FNBP4: variants seen among roughly 807,000 people sequenced by gnomAD.
FNBP4 encodes the protein formin-binding protein 4.
A neutral mutation model predicts 119.3 loss-of-function variants in FNBP4; 34 were observed. The ratio of observed to expected loss-of-function variants is 0.28; its 90% confidence interval spans 0.22 to 0.38. The LOEUF is 0.38. Among genes scored for constraint, FNBP4 ranks in the 10% least tolerant of loss-of-function variants. FNBP4 has a pLI of 1.00. For missense variants in FNBP4, 1,112 were observed against 1,228.9 expected (o/e 0.90, Z 1.42); for synonymous variants, 462 against 430.6 (o/e 1.07, Z -0.90).
At position 47,734,076 on chromosome 11, in the gene FNBP4, G is replaced by A; in HGVS notation, c.1635C>T (p.Gly545=). 6.3e-7 allele frequency: 1 copy of A among 1,595,972 alleles called. No individual in the cohort carries two copies. Among genetic ancestry groups the A allele is most frequent in the Non-Finnish European group, 8.5e-7 (1 of 1,175,884 alleles). Residue 545 remains glycine (G), a synonymous_variant, in exon 10 of 17, where the codon GGC becomes GGT. Coordinates refer to ENST00000263773, the MANE Select transcript of FNBP4 (RefSeq NM_015308.5). ...NTLTSKFEFL[G]INRQSISNFH... ...AGTTGGAGATGGATTGTCTATTAAT[G>A]CCTAGAAACTCGAATTTACTTGTCA...
At chr11:47,766,731 G>C (rs562676876) in intron 1 of FNBP4, among the ~76,000 whole-genome samples, 3 of 152,402 alleles carry the variant, frequency 2.0e-5, no homozygotes, top group South Asian at 2.1e-4. Flanking sequence ...GGCCGCGCAC[G>C]CGGAAACTCA....
intron 6 of FNBP4, among the ~76,000 whole-genome samples, chr11:47,748,069 C>T (rs1407833741): frequency 3.3e-5 from 5 of 150,930 alleles, no homozygotes; most frequent in African/African-American, 9.8e-5. Flanking sequence ...GGTGAAACCC[C>T]GTCTCTACTA....
intron 12 of FNBP4, chr11:47,729,065 T>A: frequency 1.6e-6 from 1 of 609,010 alleles, no homozygotes; most frequent in Non-Finnish European, 2.1e-6. Context: ...TTGCCCAGGC[T>A]GGTCTTGAAC....
Position 47,724,732 on chromosome 11 carries a change from T to C in FNBP4, c.2055A>G (p.Ser685=). 6.3e-7 allele frequency: 1 copy of C among 1,593,502 alleles called. No individual in the cohort carries two copies. Among genetic ancestry groups the C allele is most frequent in the Admixed American group, 1.7e-5 (1 of 57,296 alleles). The change falls in exon 13 of 17, where the codon TCA becomes TCG. Residue 685 remains serine, a synonymous_variant. Transcript: ENST00000263773. ...TCCAGAATGGAGTAAGTGGCATGAG[T>C]GATGAAGAAGAAACTTGACCAGAAA... The part of the protein sequence containing the change: ...ESFSGQVSSS[S]LMPLTPFWTL...
At chr11:47,766,686 A>C (rs2097648325) in intron 1 of FNBP4, among the ~76,000 whole-genome samples, 1 of 152,266 alleles carries the variant, frequency 6.6e-6, no homozygotes, top group Admixed American at 6.5e-5. Context: ...GAAAGGAGGC[A>C]GATGACGTGT....
Position 47,717,391 on chromosome 11 carries a change from A to G in FNBP4, c.*31T>C, listed in dbSNP as rs749275887. ...CTTTGAACTGAACACAAAACAAACAATAATACAAAAAAGTTTTAAAAACTT... is the reference window on the plus strand; with the variant it reads ...CTTTGAACTGAACACAAAACAAACAGTAATACAAAAAAGTTTTAAAAACTT... On this transcript the variant is annotated 3_prime_UTR_variant, in exon 17 of 17. Transcript: ENST00000263773. 4.1e-6 allele frequency: 6 copies of G among 1,454,558 alleles called. No homozygotes were observed. The South Asian group carries it at 5.8e-5, about 14-fold the overall frequency. 90.1% of individuals were successfully genotyped at this position (1,454,558 alleles called of 1,614,324 possible).
chr11:47,718,163 G>A (rs948016829), intron 16 of FNBP4, among the ~76,000 whole-genome samples: 1 of 152,024 alleles, frequency 6.6e-6, no homozygotes, highest in Admixed American at 6.6e-5. Flanking sequence ...TGATTCTTCA[G>A]GGCAGATATA....
intron 2 of FNBP4, among the ~76,000 whole-genome samples, chr11:47,762,317 T>C (rs1456976862): frequency 2.6e-5 from 4 of 151,962 alleles, no homozygotes; most frequent in Non-Finnish European, 4.4e-5. Context: ...TTAGTAGCGA[T>C]GGGGTTTCAC....
intron 9 of FNBP4, among the ~76,000 whole-genome samples, chr11:47,734,895 C>A (rs1420884258): frequency 6.6e-6 from 1 of 151,746 alleles, no homozygotes; most frequent in Non-Finnish European, 1.5e-5. Flanking sequence ...ATTGCTTGAA[C>A]CTGGGAGGTG....
chr11:47,719,785 G>C, intron 16 of FNBP4, 144 bp downstream of exon 16: 1 of 859,316 alleles, frequency 1.2e-6, no homozygotes, highest in South Asian at 2.2e-5. Context: ...TTATAAATTA[G>C]AAACCTTTAG....
chr11:47,725,635 G>C, intron 12 of FNBP4: 1 of 280,410 alleles, frequency 3.6e-6, no homozygotes. Context: ...CTGAAAAGTT[G>C]CAGGATCAGC....
At position 47,751,124 on chromosome 11, in the gene FNBP4, C is replaced by T. The variant is rs930297644; in HGVS notation, c.785+19G>A. On this transcript the variant is annotated intron_variant, in intron 5 of 16. Coordinates refer to ENST00000263773, the MANE Select transcript of FNBP4 (RefSeq NM_015308.5). ...TTCAATTTCCTTCTAGGCAATTTCA[C>T]TTTTAAATTTATTCTTACCTGGGCT... 10 of 1,613,772 alleles carry T rather than the reference C, an allele frequency of 6.2e-6. No individual in the cohort carries two copies. Among genetic ancestry groups the T allele is most frequent in the Non-Finnish European group, 8.5e-6 (10 of 1,179,822 alleles).
chr11:47,765,875 C>T (rs1390987882), intron 1 of FNBP4, among the ~76,000 whole-genome samples: 2 of 2,928 alleles, frequency 6.8e-4, no homozygotes, highest in African/African-American at 8.0e-4. Flanking sequence ...TTTTTTGAGA[C>T]GGAGTTTCGC....
At chr11:47,746,911 A>G (rs1234223439) in intron 6 of FNBP4, among the ~76,000 whole-genome samples, 1 of 152,186 alleles carries the variant, frequency 6.6e-6, no homozygotes, top group East Asian at 1.9e-4. Context: ...GGTAGGATTC[A>G]AATATATCCT....
rs1342364030 is a variant in FNBP4, at chr11:47,746,317, A to G, written c.984T>C (p.Pro328=). The G allele has an allele frequency of 1.2e-6, 2 of 1,614,116 alleles. No homozygotes were observed. The highest frequency in any genetic ancestry group is 8.5e-7 in the Non-Finnish European group (1 of 1,180,034). ...KKGVAASLLA[P]LLPEGIKEEE... ...CTTCTTTTATTCCCTCAGGCAATAAAGGAGCAAGCAGCGATGCTGCCACCC... is the reference window on the plus strand; with the variant it reads ...CTTCTTTTATTCCCTCAGGCAATAAGGGAGCAAGCAGCGATGCTGCCACCC... Residue 328 remains proline (P), a synonymous_variant, in exon 7 of 17, where the codon CCT becomes CCC. Transcript: ENST00000263773.
At chr11:47,729,199 C>G (rs1408847949) in intron 12 of FNBP4, 2 of 985,126 alleles carry the variant, frequency 2.0e-6, no homozygotes, top group African/African-American at 1.7e-5. Context: ...AATTTTCCCC[C>G]CAAAGAGAAA....
At chr11:47,722,640 G>T (rs1375890819) in intron 15 of FNBP4, among the ~76,000 whole-genome samples, 1 of 151,994 alleles carries the variant, frequency 6.6e-6, no homozygotes, top group Admixed American at 6.6e-5. Flanking sequence ...ACCCAGGCTG[G>T]AGTGCAGTGC....
rs1315516286 is a variant in FNBP4, at chr11:47,729,820, T to C, written c.2008+1554A>G. On this transcript the variant is annotated intron_variant, in intron 12 of 16. Coordinates refer to ENST00000263773, the MANE Select transcript of FNBP4 (RefSeq NM_015308.5). Reference sequence around the variant, plus strand: ...GGCTTAGAACTGTTGATTATTGCTCTTAAATCTCACAGAACTTAGTTTAAG... The same window carrying C: ...GGCTTAGAACTGTTGATTATTGCTCCTAAATCTCACAGAACTTAGTTTAAG... The C allele has an allele frequency of 6.1e-6, 6 of 985,308 alleles. No individual in the cohort carries two copies. The African/African-American group carries it at 1.0e-4, about 17-fold the overall frequency. The allele number at this position is 985,308 out of a possible 1,614,324, so 61.0% of individuals were successfully genotyped here.
chr11:47,722,723 A>T (rs1446661974), intron 15 of FNBP4, among the ~76,000 whole-genome samples: 1 of 151,752 alleles, frequency 6.6e-6, no homozygotes, highest in African/African-American at 2.4e-5. Flanking sequence ...CCCAAGTAGC[A>T]GGGATTACAG....
Sources: gnomAD v4.1 joint callset for allele counts (sites outside exome capture counted in the v4.1 genomes callset) on GRCh38, gnomAD v4.1.1 for gene constraint, MANE v1.5 for transcripts, NCBI Gene and HGNC (gene_info 2026-07-23, HGNC 2026-07-21) for gene names.